Variants in GGA2 observed in about 807,000 individuals in gnomAD.
GGA2 encodes ADP-ribosylation factor-binding protein GGA2.
A neutral mutation model predicts 79.5 loss-of-function variants in GGA2; 48 were observed. That is an observed-to-expected ratio of 0.60 (90% CI 0.48 to 0.77). GGA2 has a LOEUF of 0.77. Ranked by LOEUF, GGA2 falls within the 30% of genes least tolerant of loss-of-function variation. The pLI is 0.00. For synonymous variants in GGA2, 317 were observed against 302.0 expected, an observed-to-expected ratio of 1.05 and a Z score of -0.51; for missense variants, 770 against 774.0, an observed-to-expected ratio of 0.99 and a Z score of 0.06.
chr16:23,496,682 C>T (rs13334394), intron 1 of GGA2, among the ~76,000 whole-genome samples: 12,573 of 152,074 alleles, frequency 0.083, 927 homozygotes, highest in African/African-American at 0.19. Flanking sequence ...TAAGACCAGG[C>T]GCGATGGCTC....
intron 2 of GGA2, among the ~76,000 whole-genome samples, chr16:23,519,243 A>G (rs1441472323): frequency 6.6e-6 from 1 of 152,068 alleles, no homozygotes; most frequent in African/African-American, 2.4e-5. Flanking sequence ...GGGTTTCACC[A>G]TGTTTTCTAG....
intron 1 of GGA2, among the ~76,000 whole-genome samples, chr16:23,520,324 C>A (rs764744586): frequency 6.7e-6 from 1 of 149,678 alleles, no homozygotes; most frequent in African/African-American, 2.5e-5. Flanking sequence ...GAGATGGGTA[C>A]AATTCTTATT....
At chr16:23,495,992 T>C (rs1337896378) in intron 1 of GGA2, among the ~76,000 whole-genome samples, 1 of 152,068 alleles carries the variant, frequency 6.6e-6, no homozygotes, top group Non-Finnish European at 1.5e-5. Flanking sequence ...ATTTGCTGAT[T>C]GAATGAACCA....
In GGA2 at chr16:23,478,478, C is replaced by A; in HGVS notation, c.1182G>T (p.Glu394Asp). Reference protein sequence around the residue: ...TGMVSGQNCCEEKRNPSSSTL... With the variant: ...TGMVSGQNCCDEKRNPSSSTL... ...TGCTGGAGGAGGGATTCCTCTTTTC[C>A]TCACAGCAATTCTGACCAGAAACCT... Residue 394 changes from glutamate (E) to aspartate (D), a missense_variant, in exon 13 of 17, where the codon GAG becomes GAT. Glu to Asp is a conservative substitution (Grantham distance 45, BLOSUM62 2). Transcript: ENST00000309859. 6.2e-7 allele frequency: 1 copy of A among 1,609,804 alleles called. No individual in the cohort carries two copies. The highest frequency in any genetic ancestry group is 8.5e-7 in the Non-Finnish European group (1 of 1,177,286).
rs1242784520 is a variant in GGA2 at position 23,476,085 on chromosome 16, T to A, written c.1293-1024A>T. Among the ~76,000 whole-genome samples the A allele has an allele frequency of 2.6e-5, 4 of 152,284 alleles. No homozygotes were observed. In the South Asian group the frequency reaches 8.3e-4, roughly 32 times the overall value. On this transcript the variant is annotated intron_variant, in intron 13 of 16. Coordinates refer to ENST00000309859, the MANE Select transcript of GGA2 (RefSeq NM_015044.4). ...CAGTCAGGTTGTTTCCCAGGTGTGA[T>A]CACAAAGGGACTTGAGCCAGGCAGA...
In GGA2 at chr16:23,465,500, G is replaced by A. The variant is rs1964424484; in HGVS notation, c.*2090C>T. 4.3e-6 allele frequency: 3 copies of A among 691,144 alleles called. No homozygotes were observed. Among genetic ancestry groups the A allele is most frequent in the Non-Finnish European group, 7.9e-6 (3 of 378,680 alleles). 42.8% of individuals were successfully genotyped at this position (691,144 alleles called of 1,614,324 possible). ...AGCAAGAATGTTCAGGTACACATGT[G>A]TGAGTTCACCTCCTAACTATAGGGG... is the stretch of plus-strand genomic sequence containing the variant. On this transcript the variant is annotated 3_prime_UTR_variant, in exon 17 of 17. Transcript: ENST00000309859.
At chr16:23,483,094 G>A (rs1014482450) in intron 8 of GGA2, 90 bp from the exon 9 acceptor site, 8 of 779,722 alleles carry the variant, frequency 1.0e-5, no homozygotes, top group African/African-American at 1.0e-4. Context: ...TCAGGCAGAC[G>A]GCAGAGTCTG....
intron 8 of GGA2, among the ~76,000 whole-genome samples, chr16:23,484,072 T>G (rs1455338833): frequency 6.7e-6 from 1 of 150,124 alleles, no homozygotes; most frequent in Non-Finnish European, 1.5e-5. Flanking sequence ...GTGGATCACC[T>G]CAGGCCAGGG....
chr16:23,478,858 C>A, intron 12 of GGA2, 25 bp downstream of exon 12: 1 of 1,562,128 alleles, frequency 6.4e-7, no homozygotes. Context: ...ATTCTCTCTC[C>A]GGGCCCTGGG....
Position 23,510,472 on chromosome 16 carries a change from T to G in GGA2, c.-61A>C. The G allele has an allele frequency of 8.2e-6, 5 of 611,836 alleles. No homozygotes were observed. Among genetic ancestry groups the G allele is most frequent in the Non-Finnish European group, 1.2e-5 (5 of 411,514 alleles). 37.9% of individuals were successfully genotyped at this position (611,836 alleles called of 1,614,324 possible). On this transcript the variant is annotated 5_prime_UTR_variant, in exon 1 of 17. Transcript: ENST00000309859. ...TGCCTCTTCAGCCGCTGTAGCGTCC[T>G]GGCGCTCTCCTCTGCTGACTGCGCG...
At chr16:23,497,544 A>G (rs1007026615) in intron 1 of GGA2, among the ~76,000 whole-genome samples, 2 of 152,156 alleles carry the variant, frequency 1.3e-5, no homozygotes, top group Non-Finnish European at 2.9e-5. Context: ...AAGTGAAGAG[A>G]GAACACAAGG....
rs531539986 is a variant in GGA2 at position 23,499,801 on chromosome 16, A to G, written c.92-4023T>C. Among the ~76,000 whole-genome samples, 75 of 152,342 alleles carry G rather than the reference A, an allele frequency of 4.9e-4. 1 individual carries two copies. Among genetic ancestry groups the G allele is most frequent in the Admixed American group, 8.5e-4 (13 of 15,302 alleles). ...ATAAGCCTCTTCATTTGTTGAAACC[A>G]TAAGACCTTCCTCACAGTGTAGAAA... On this transcript the variant is annotated intron_variant, in intron 1 of 16. Transcript: ENST00000309859.
In GGA2 at chr16:23,507,561, G is replaced by T. The variant is rs576318604; in HGVS notation, c.91+2760C>A. 1.2e-4 allele frequency among the ~76,000 whole-genome samples: 18 copies of T among 152,266 alleles called. No individual in the cohort carries two copies. The South Asian group carries it at 3.5e-3, about 30-fold the overall frequency. On this transcript the variant is annotated intron_variant, in intron 1 of 16. Coordinates refer to ENST00000309859, the MANE Select transcript of GGA2 (RefSeq NM_015044.4). ...GAGAATTGCTTGAACCTGGGAGGCG[G>T]ACGTTGCAGTGAGCTGAGATCGTGC... is the stretch of plus-strand genomic sequence containing the variant.
At position 23,465,872 on chromosome 16, in the gene GGA2, C is replaced by T. The variant is rs535735954; in HGVS notation, c.*1718G>A. ...ACGAGAATCGCTTGAACCTGGTAGG[C>T]AGAGATTGCAGTGAGCTGAGATTAT... On this transcript the variant is annotated 3_prime_UTR_variant, in exon 17 of 17. Coordinates refer to ENST00000309859, the MANE Select transcript of GGA2 (RefSeq NM_015044.4). The T allele has an allele frequency of 8.7e-5, 14 of 161,134 alleles. No homozygotes were observed. The highest frequency in any genetic ancestry group is 1.2e-4 in the Non-Finnish European group (9 of 72,858). The allele number at this position is 161,134 out of a possible 1,614,324, so 10.0% of individuals were successfully genotyped here. A position where few individuals can be genotyped will look rare whatever the true frequency, so the allele number is the denominator to read the frequency against.
intron 1 of GGA2, among the ~76,000 whole-genome samples, chr16:23,502,333 C>T (rs755338432): frequency 2.0e-5 from 3 of 152,118 alleles, no homozygotes; most frequent in African/African-American, 4.8e-5. Flanking sequence ...TACCCCAGGC[C>T]GATAATGGTC....
At position 23,500,888 on chromosome 16, in the gene GGA2, G is replaced by T. The variant is rs186845363; in HGVS notation, c.92-5110C>A. 774 of 188,496 alleles carry T rather than the reference G, an allele frequency of 4.1e-3. 3 individuals carry two copies. The highest frequency in any genetic ancestry group is 0.026 in the Middle Eastern group (20 of 780). The allele number at this position is 188,496 out of a possible 1,614,324, so 11.7% of individuals were successfully genotyped here. On this transcript the variant is annotated intron_variant, in intron 1 of 16. Coordinates refer to ENST00000309859, the MANE Select transcript of GGA2 (RefSeq NM_015044.4). ...CTTTTTTTGAGAAAATATCAAATGA[G>T]TGTGCAAGAAAAGAGGAGCTCTCAC...
intron 2 of GGA2, among the ~76,000 whole-genome samples, chr16:23,495,166 A>G (rs1457492631): frequency 1.3e-5 from 2 of 152,290 alleles, no homozygotes; most frequent in East Asian, 3.9e-4. Flanking sequence ...GGTCCTATCC[A>G]GATGCTGTGG....
chr16:23,500,993 C>T (rs926807947), intron 1 of GGA2: 2 of 324,114 alleles, frequency 6.2e-6, no homozygotes, highest in Admixed American at 4.2e-5. Flanking sequence ...GAACAGTCAG[C>T]CAGCCTGATC....
At chr16:23,499,696 T>C (rs1351685351) in intron 1 of GGA2, among the ~76,000 whole-genome samples, 2 of 152,174 alleles carry the variant, frequency 1.3e-5, no homozygotes, top group African/African-American at 4.8e-5. Flanking sequence ...TCTCCTGACC[T>C]CGTGATCCGC....
Sources: allele counts gnomAD v4.1 joint callset (sites outside exome capture counted in the v4.1 genomes callset), GRCh38; gene constraint gnomAD v4.1.1; transcripts MANE v1.5; gene names NCBI Gene and HGNC (gene_info 2026-07-23, HGNC 2026-07-21).